KCNQ1: variants seen among roughly 807,000 people sequenced by gnomAD.
KCNQ1 encodes the protein potassium voltage-gated channel subfamily KQT member 1.
Under a neutral mutation model 72.4 loss-of-function variants are expected in KCNQ1, and 49 were observed. The observed-to-expected ratio is 0.68, with a 90% CI of 0.54 to 0.86. KCNQ1 has a LOEUF of 0.86. Among genes scored for constraint, KCNQ1 ranks in the 40% least tolerant of loss-of-function variants. KCNQ1 has a pLI of 0.00. For synonymous variants in KCNQ1, 450 were observed against 412.6 expected (o/e 1.09, Z -1.10); for missense variants, 790 against 945.1 (o/e 0.84, Z 2.15).
At chr11:2,749,744 C>T (rs1159100739) in intron 11 of KCNQ1, among the ~76,000 whole-genome samples, 1 of 151,160 alleles carries the variant, frequency 6.6e-6, no homozygotes, top group Non-Finnish European at 1.5e-5. Flanking sequence ...ACCCAGGAGG[C>T]AGAGCTTGCA....
intron 15 of KCNQ1, among the ~76,000 whole-genome samples, chr11:2,799,849 C>G (rs1847223518): frequency 6.6e-6 from 1 of 152,188 alleles, no homozygotes; most frequent in Non-Finnish European, 1.5e-5. Flanking sequence ...GGGTTCCAGT[C>G]ACAGCACAGA....
chr11:2,751,837 G>A (rs558389768), intron 11 of KCNQ1, among the ~76,000 whole-genome samples: 1 of 152,370 alleles, frequency 6.6e-6, no homozygotes, highest in East Asian at 1.9e-4. Context: ...TCAGGGTGAG[G>A]GCAAAATGGC....
At chr11:2,529,558 A>G (rs1847575475) in intron 2 of KCNQ1, among the ~76,000 whole-genome samples, 2 of 152,158 alleles carry the variant, frequency 1.3e-5, no homozygotes, top group South Asian at 4.1e-4. Context: ...TTGAGAGAAT[A>G]AGTTGTTATT....
chr11:2,705,233 A>G (rs1387675001), intron 11 of KCNQ1, among the ~76,000 whole-genome samples: 1 of 152,198 alleles, frequency 6.6e-6, no homozygotes, highest in Non-Finnish European at 1.5e-5. Flanking sequence ...ATTTGGGGTC[A>G]GTGATAACGT....
chr11:2,777,526 A>C, intron 14 of KCNQ1: 4 of 533,982 alleles, frequency 7.5e-6, no homozygotes, highest in Non-Finnish European at 1.3e-5. Flanking sequence ...CATTCCGGGG[A>C]ATGACAGGGA....
intron 15 of KCNQ1, among the ~76,000 whole-genome samples, chr11:2,831,313 C>T (rs946634712): frequency 1.3e-5 from 2 of 152,148 alleles, no homozygotes; most frequent in African/African-American, 4.8e-5. Flanking sequence ...GCCCGGCCTG[C>T]CCTACACCAT....
rs1266986677 is a variant in KCNQ1, at chr11:2,781,898, T to G, written c.1794+3861T>G. On this transcript the variant is annotated intron_variant, in intron 15 of 15. Transcript: ENST00000155840. The surrounding 1 kb of genome is among the most constrained non-coding windows in gnomAD (Gnocchi z 6.6). ...ACCACCTGACACTCCTTTCACTGCC[T>G]CCGGTCGCAGAATCCAGGCCTCCAG... 1.3e-5 allele frequency among the ~76,000 whole-genome samples: 2 copies of G among 151,976 alleles called. No homozygotes were observed. The highest frequency in any genetic ancestry group is 2.9e-5 in the Non-Finnish European group (2 of 67,996).
rs1848372514 is a variant in KCNQ1 at position 2,848,035 on chromosome 11, T to A, written c.*32T>A. On this transcript the variant is annotated 3_prime_UTR_variant, in exon 16 of 16. Coordinates refer to ENST00000155840, the MANE Select transcript of KCNQ1 (RefSeq NM_000218.3). Reference sequence around the variant, plus strand: ...GATGGGGCTGGGGGATGGGCCTGAGTGAGAGGGGAGGCCAAGAGTGGCCCC... The same window carrying A: ...GATGGGGCTGGGGGATGGGCCTGAGAGAGAGGGGAGGCCAAGAGTGGCCCC... 2.0e-6 allele frequency: 3 copies of A among 1,516,872 alleles called. No homozygotes were observed. The highest frequency in any genetic ancestry group is 2.7e-6 in the Non-Finnish European group (3 of 1,124,826). 94.0% of individuals were successfully genotyped at this position (1,516,872 alleles called of 1,614,324 possible).
At position 2,627,703 on chromosome 11, in the gene KCNQ1, T is replaced by C. The variant is rs1012412810; in HGVS notation, c.1394-34258T>C. 2 of 398,444 alleles carry C rather than the reference T, an allele frequency of 5.0e-6. No homozygotes were observed. The highest frequency in any genetic ancestry group is 8.8e-6 in the Non-Finnish European group (2 of 226,046). 24.7% of individuals were successfully genotyped at this position (398,444 alleles called of 1,614,324 possible). On this transcript the variant is annotated intron_variant, in intron 10 of 15. Transcript: ENST00000155840. This position sits in a 1 kb window ranked among gnomAD's most constrained non-coding sequence, Gnocchi z 4.9. The stretch of plus-strand genomic sequence containing the variant: ...GTGTGTGTGTGTCTGTATGTATATG[T>C]ATGTGATGTGTTTATTTGGGAATTT...
intron 1 of KCNQ1, among the ~76,000 whole-genome samples, chr11:2,499,967 C>T (rs567732421): frequency 6.6e-6 from 1 of 152,318 alleles, no homozygotes; most frequent in East Asian, 1.9e-4. Flanking sequence ...TACTATCAAG[C>T]ATCTTCTCTG....
In KCNQ1 at chr11:2,752,409, G is replaced by A. The variant is rs975001779; in HGVS notation, c.1515-16435G>A. Among the ~76,000 whole-genome samples, 3 of 152,068 alleles carry A rather than the reference G, an allele frequency of 2.0e-5. No homozygotes were observed. The highest frequency in any genetic ancestry group is 6.5e-5 in the Admixed American group (1 of 15,280). ...GCTGGTGTGTGCCAGGTGGTCTCTC[G>A]GGGGGTCCGATGGGATACCTAGTGT... is the stretch of plus-strand genomic sequence containing the variant. On this transcript the variant is annotated intron_variant, in intron 11 of 15. Transcript: ENST00000155840. The surrounding 1 kb of genome is among the most constrained non-coding windows in gnomAD (Gnocchi z 5.2).
rs201733660 is a variant in KCNQ1, at chr11:2,467,760, TG to T, written c.386+22277del. Reference sequence around the variant, plus strand: ...CAGGCGTGCGTCTTGCAATGGGGGCTGTGGGGACCCCTTTGCTCCCCTGATC... The same window carrying T: ...CAGGCGTGCGTCTTGCAATGGGGGCTTGGGGACCCCTTTGCTCCCCTGATC... On this transcript the variant is annotated intron_variant, in intron 1 of 15. Coordinates refer to ENST00000155840, the MANE Select transcript of KCNQ1 (RefSeq NM_000218.3). Among the ~76,000 whole-genome samples, 583 of 152,310 alleles carry T rather than the reference TG, an allele frequency of 3.8e-3. 2 individuals are homozygous for T. Among genetic ancestry groups the T allele is most frequent in the South Asian group, 0.019 (92 of 4,830 alleles).
Position 2,678,361 on chromosome 11 carries a change from A to G in KCNQ1, c.1514+16280A>G, listed in dbSNP as rs1474791533. 24 of 398,370 alleles carry G rather than the reference A, an allele frequency of 6.0e-5. No homozygotes were observed. The Admixed American group carries it at 1.1e-3, about 18-fold the overall frequency. 24.7% of individuals were successfully genotyped at this position (398,370 alleles called of 1,614,324 possible). A position where few individuals can be genotyped will look rare whatever the true frequency, so the allele number is the denominator to read the frequency against. ...ATCCTTGCTTTATCGGGATTTTGAC[A>G]GAGTAATTAAATCCAATTTGGTTTC... On this transcript the variant is annotated intron_variant, in intron 11 of 15. Transcript: ENST00000155840. This position sits in a 1 kb window ranked among gnomAD's most constrained non-coding sequence, Gnocchi z 4.9.
intron 15 of KCNQ1, among the ~76,000 whole-genome samples, chr11:2,786,777 T>C (rs976708656): frequency 6.6e-6 from 1 of 152,222 alleles, no homozygotes; most frequent in South Asian, 2.1e-4. Context: ...TTTAATCGTA[T>C]CTTCCTCTTT....
intron 11 of KCNQ1, chr11:2,675,088 G>C (rs1564854259): frequency 2.5e-6 from 1 of 398,532 alleles, no homozygotes; most frequent in Non-Finnish European, 4.4e-6. Flanking sequence ...GTGTGGGCAT[G>C]TCCTGAGTGG....
chr11:2,672,106 G>T, intron 11 of KCNQ1: 2 of 398,664 alleles, frequency 5.0e-6, no homozygotes, highest in African/African-American at 2.1e-5. Context: ...TGCCCACAGG[G>T]GACCTTTCTT....
chr11:2,684,970 T>A (rs1301288972), intron 11 of KCNQ1: 1 of 398,580 alleles, frequency 2.5e-6, no homozygotes, highest in Non-Finnish European at 4.4e-6. Flanking sequence ...GTGAAATGGC[T>A]TCCAATTTTA....
In KCNQ1 at chr11:2,679,202, G is replaced by GC. The variant is rs1850345002; in HGVS notation, c.1514+17125dup. ...GAGTTAGGCCACCTGTAACAATGCA[G>GC]CCCCATCCATGTGAAGCTGGTCCAG... is the stretch of plus-strand genomic sequence containing the variant. On this transcript the variant is annotated intron_variant, in intron 11 of 15. Transcript: ENST00000155840. This position sits in a 1 kb window ranked among gnomAD's most constrained non-coding sequence, Gnocchi z 4.8. 2.5e-6 allele frequency: 1 copy of GC among 398,500 alleles called. No individual in the cohort carries two copies. The highest frequency in any genetic ancestry group is 4.4e-6 in the Non-Finnish European group (1 of 226,086). 24.7% of individuals were successfully genotyped at this position (398,500 alleles called of 1,614,324 possible).
chr11:2,640,919 A>G (rs969908021), intron 10 of KCNQ1: 1 of 399,334 alleles, frequency 2.5e-6, no homozygotes, highest in Non-Finnish European at 4.4e-6. Context: ...TGATAATAAC[A>G]TAAGATAATT....
Sources: gnomAD v4.1 joint callset for allele counts (sites outside exome capture counted in the v4.1 genomes callset) on GRCh38, gnomAD v4.1.1 for gene constraint, Gnocchi (gnomAD v3.1) non-coding constraint, MANE v1.5 for transcripts, NCBI Gene and HGNC (gene_info 2026-07-23, HGNC 2026-07-21) for gene names.